IFT81: variants seen among roughly 807,000 people sequenced by gnomAD.
IFT81 encodes intraflagellar transport protein 81 homolog.
A neutral mutation model predicts 102.6 loss-of-function variants in IFT81; 72 were observed. That is an observed-to-expected ratio of 0.70 (90% CI 0.58 to 0.85). The LOEUF (loss-of-function observed/expected upper bound fraction) is 0.85. Ranked by LOEUF, IFT81 falls within the 40% of genes least tolerant of loss-of-function variation. The pLI, the probability that IFT81 is intolerant of heterozygous loss-of-function variation, is 0.00. For missense variants in IFT81, 723 were observed against 787.3 expected (o/e 0.92, Z 0.98); for synonymous variants, 237 against 242.7 (o/e 0.98, Z 0.22).
At chr12:110,204,195 C>T (rs1225123258) in intron 15 of IFT81, 2 of 373,760 alleles carry the variant, frequency 5.4e-6, no homozygotes, top group Non-Finnish European at 4.9e-6. Flanking sequence ...CAAAAGATTC[C>T]CAAATCTTTA....
At chr12:110,153,047 G>C (rs1895629400) in intron 10 of IFT81, among the ~76,000 whole-genome samples, 1 of 152,114 alleles carries the variant, frequency 6.6e-6, no homozygotes, top group African/African-American at 2.4e-5. Context: ...TTTGTTGCCT[G>C]TGCTTTTGGT....
chr12:110,135,921 T>G (rs1176014903), intron 7 of IFT81, among the ~76,000 whole-genome samples: 1 of 152,038 alleles, frequency 6.6e-6, no homozygotes, highest in African/African-American at 2.4e-5. Flanking sequence ...TACCACTTTT[T>G]GGGTTTTATA....
At chr12:110,198,796 T>TTTTC (rs1397587408) in intron 14 of IFT81, among the ~76,000 whole-genome samples, 2 of 151,788 alleles carry the variant, frequency 1.3e-5, no homozygotes, top group African/African-American at 2.4e-5. Context: ...TTTTCTCACT[T>TTTTC]TTTCTTTCTT....
In IFT81 at chr12:110,218,512, A is replaced by T. The variant is rs1392767463; in HGVS notation, c.*286A>T. The T allele has an allele frequency of 4.4e-6, 1 of 227,318 alleles. No individual in the cohort carries two copies. The highest frequency in any genetic ancestry group is 8.5e-6 in the Non-Finnish European group (1 of 118,174). 14.1% of individuals were successfully genotyped at this position (227,318 alleles called of 1,614,324 possible). Reference sequence around the variant, plus strand: ...TATCTGTAAATGTAAACATATGTCCATTAAGAAACATGTAGTTTTTTTTTA... The same window carrying T: ...TATCTGTAAATGTAAACATATGTCCTTTAAGAAACATGTAGTTTTTTTTTA... On this transcript the variant is annotated 3_prime_UTR_variant, in exon 19 of 19. Coordinates refer to ENST00000242591, the MANE Select transcript of IFT81 (RefSeq NM_014055.4).
At chr12:110,197,445 CTT>C (rs199692035) in intron 14 of IFT81, among the ~76,000 whole-genome samples, 3 of 132,392 alleles carry the variant, frequency 2.3e-5, no homozygotes, top group African/African-American at 5.5e-5. Context: ...TTTCTCTTTG[CTT>C]TTTTTTTTTA....
intron 10 of IFT81, among the ~76,000 whole-genome samples, chr12:110,148,333 G>A (rs1474335147): frequency 6.6e-6 from 1 of 151,236 alleles, no homozygotes; most frequent in Non-Finnish European, 1.5e-5. Flanking sequence ...CTTTCTAGGT[G>A]GTATTACATA....
Position 110,143,486 on chromosome 12 carries a change from C to T in IFT81, c.886C>T (p.Gln296Ter), listed in dbSNP as rs768675931. Reference sequence around the variant, plus strand: ...TAAGAAAAAGGAATTACATTTTTTACAAAAAGTAGTTTCAGAGCCAGCTAT... The same window carrying T: ...TAAGAAAAAGGAATTACATTTTTTATAAAAAGTAGTTTCAGAGCCAGCTAT... ...ENKKKELHFL[Q>*]KVVSEPAMGH... Residue 296 changes from glutamine to a stop codon, truncating the protein, a stop_gained, in exon 9 of 19, where the codon CAA becomes TAA. Coordinates refer to ENST00000242591, the MANE Select transcript of IFT81 (RefSeq NM_014055.4). LOFTEE classifies it high-confidence loss of function. The T allele has an allele frequency of 1.9e-6, 3 of 1,547,900 alleles. No individual in the cohort carries two copies. Among genetic ancestry groups the T allele is most frequent in the South Asian group, 1.3e-5 (1 of 77,848 alleles).
intron 5 of IFT81, 41 bp downstream of exon 5, chr12:110,132,677 G>C (rs1221453176): frequency 9.7e-7 from 1 of 1,032,698 alleles, no homozygotes; most frequent in Non-Finnish European, 1.5e-6. Flanking sequence ...TTTGGGATTT[G>C]AATAATATTG....
chr12:110,179,230 G>C (rs1376984015), intron 11 of IFT81, among the ~76,000 whole-genome samples: 1 of 152,044 alleles, frequency 6.6e-6, no homozygotes, highest in Non-Finnish European at 1.5e-5. Context: ...GGCTATATTA[G>C]TCCCAGTAGT....
At chr12:110,154,257 A>G (rs1267637333) in intron 10 of IFT81, among the ~76,000 whole-genome samples, 1 of 148,908 alleles carries the variant, frequency 6.7e-6, no homozygotes, top group Non-Finnish European at 1.5e-5. Flanking sequence ...TGCTAGGATT[A>G]CAGAGCTTGC....
At chr12:110,160,580 T>G (rs1007102285) in intron 10 of IFT81, among the ~76,000 whole-genome samples, 1 of 152,196 alleles carries the variant, frequency 6.6e-6, no homozygotes, top group African/African-American at 2.4e-5. Flanking sequence ...GGTCTTTGTC[T>G]TCCAGTCCAC....
chr12:110,137,289 G>A (rs936267016), intron 8 of IFT81, among the ~76,000 whole-genome samples: 7 of 152,192 alleles, frequency 4.6e-5, no homozygotes, highest in African/African-American at 9.7e-5. Context: ...GCAGTGAGCC[G>A]AGACCGCGCC....
chr12:110,137,295 G>A (rs1442990604), intron 8 of IFT81, among the ~76,000 whole-genome samples: 8 of 152,126 alleles, frequency 5.3e-5, no homozygotes, highest in African/African-American at 7.2e-5. Context: ...AGCCGAGACC[G>A]CGCCACTGCA....
intron 17 of IFT81, among the ~76,000 whole-genome samples, chr12:110,207,556 CTTTTTTT>C (rs896586216): frequency 4.3e-4 from 42 of 97,224 alleles, no homozygotes; most frequent in African/African-American, 1.7e-3. Context: ...GTCCTTCAGT[CTTTTTTT>C]TTTTTTTTTT....
At chr12:110,216,665 C>A (rs1870177431) in intron 18 of IFT81, 1 of 437,386 alleles carries the variant, frequency 2.3e-6, no homozygotes. Context: ...CACATGCCAC[C>A]ATGTCCGGCT....
In IFT81 at chr12:110,135,448, A is replaced by G. The variant is rs1268249135; in HGVS notation, c.696+11A>G. 2.1e-6 allele frequency: 3 copies of G among 1,460,762 alleles called. No homozygotes were observed. The highest frequency in any genetic ancestry group is 4.5e-5 in the East Asian group (2 of 44,148). 90.5% of individuals were successfully genotyped at this position (1,460,762 alleles called of 1,614,324 possible). A position where few individuals can be genotyped will look rare whatever the true frequency, so the allele number is the denominator to read the frequency against. On this transcript the variant is annotated intron_variant, in intron 7 of 18. Coordinates refer to ENST00000242591, the MANE Select transcript of IFT81 (RefSeq NM_014055.4). ...GAACAAAAGAATCAGGTATCCACAT[A>G]AAAGTTTATATTCTCAGTATGAAGG...
intron 7 of IFT81, among the ~76,000 whole-genome samples, chr12:110,136,348 A>G (rs1328803091): frequency 6.6e-6 from 1 of 152,236 alleles, no homozygotes; most frequent in Non-Finnish European, 1.5e-5. Flanking sequence ...CTGGCACTTG[A>G]CTTGGCATCG....
rs141707920 is a variant in IFT81, at chr12:110,127,418, A to G, written c.38A>G (p.Asn13Ser). 3.1e-6 allele frequency: 5 copies of G among 1,605,162 alleles called. No homozygotes were observed. Among genetic ancestry groups the G allele is most frequent in the Admixed American group, 3.4e-5 (2 of 58,460 alleles). ...ATTAAATTCATTATGGACAGTCTCA[A>G]TAAGGAGCCCTTTAGGAAGAACTAT... ...DQIKFIMDSL[N>S]KEPFRKNYNL... The change falls in exon 2 of 19, where the codon AAT becomes AGT. Residue 13 changes from asparagine (N) to serine (S), a missense_variant. Transcript: ENST00000242591.
intron 18 of IFT81, among the ~76,000 whole-genome samples, chr12:110,213,069 T>C (rs1869671380): frequency 6.6e-6 from 1 of 152,142 alleles, no homozygotes; most frequent in South Asian, 2.1e-4. Context: ...AACACTCTTT[T>C]TGAACATAAC....
Sources: allele counts gnomAD v4.1 joint callset (sites outside exome capture counted in the v4.1 genomes callset), GRCh38; gene constraint gnomAD v4.1.1; transcripts MANE v1.5; gene names NCBI Gene and HGNC (gene_info 2026-07-23, HGNC 2026-07-21).